The following PITPNA variants were observed in gnomAD, a reference collection of about 807,000 sequenced individuals.
The protein encoded by PITPNA is phosphatidylinositol transfer protein alpha isoform.
Under a neutral mutation model 50.3 loss-of-function variants are expected in PITPNA, and 13 were observed. The ratio of observed to expected loss-of-function variants is 0.26; its 90% CI spans 0.17 to 0.41. The LOEUF (loss-of-function observed/expected upper bound fraction) is 0.41. Ranked by LOEUF, PITPNA falls within the 10% of genes least tolerant of loss-of-function variation. The pLI, the probability that PITPNA is intolerant of heterozygous loss-of-function variation, is 1.00. For missense variants in PITPNA, 207 were observed against 333.4 expected, an observed-to-expected ratio of 0.62 and a Z score of 2.95; for synonymous variants, 120 against 119.6, an observed-to-expected ratio of 1.00 and a Z score of -0.02.
At chr17:1,537,343 G>A (rs1036455792) in intron 7 of PITPNA, among the ~76,000 whole-genome samples, 3 of 152,050 alleles carry the variant, frequency 2.0e-5, no homozygotes, top group African/African-American at 4.8e-5. Context: ...GATTACAGGT[G>A]TGAGCCACCG....
chr17:1,530,878 C>G (rs2075578133), intron 10 of PITPNA, among the ~76,000 whole-genome samples: 1 of 152,186 alleles, frequency 6.6e-6, no homozygotes, highest in Non-Finnish European at 1.5e-5. Context: ...GGAGAAGGAG[C>G]TGCAGGTTCT....
intron 9 of PITPNA, among the ~76,000 whole-genome samples, chr17:1,534,806 C>T (rs1321925713): frequency 3.3e-5 from 5 of 152,220 alleles, no homozygotes; most frequent in Non-Finnish European, 5.9e-5. Context: ...CAGTTTCCTT[C>T]CCTGTCACAT....
intron 11 of PITPNA, among the ~76,000 whole-genome samples, chr17:1,521,216 C>T (rs2075509538): frequency 6.6e-6 from 1 of 152,186 alleles, no homozygotes; most frequent in Non-Finnish European, 1.5e-5. Context: ...CAGGTAATGG[C>T]AGCTTTTGGG....
At chr17:1,524,181 A>C (rs181649501) in intron 10 of PITPNA, among the ~76,000 whole-genome samples, 1 of 151,076 alleles carries the variant, frequency 6.6e-6, no homozygotes, top group Non-Finnish European at 1.5e-5. Context: ...AGTAGCTGAG[A>C]CTATAGGTGC....
At chr17:1,548,784 A>G (rs773912104) in intron 3 of PITPNA, among the ~76,000 whole-genome samples, 5 of 152,340 alleles carry the variant, frequency 3.3e-5, no homozygotes, top group Non-Finnish European at 4.4e-5. Flanking sequence ...TAACTAGCCG[A>G]CTAACTTGGG....
chr17:1,539,805 CG>C lies in PITPNA; in HGVS notation c.373-854del, dbSNP rs1446423038. Among the ~76,000 whole-genome samples the C allele has an allele frequency of 9.2e-5, 14 of 152,250 alleles. No homozygotes were observed. The East Asian group carries it at 1.3e-3, about 15-fold the overall frequency. On this transcript the variant is annotated intron_variant, in intron 6 of 11. Coordinates refer to ENST00000313486, the MANE Select transcript of PITPNA (RefSeq NM_006224.4). ...AGGCTGGAGTGCAATGGCGCGATCT[CG>C]GCTCACTGCAAACTCTGCCTCCCGG...
At chr17:1,559,253 C>G (rs2075755920) in intron 1 of PITPNA, among the ~76,000 whole-genome samples, 1 of 152,192 alleles carries the variant, frequency 6.6e-6, no homozygotes, top group South Asian at 2.1e-4. Context: ...CCTCCAGGAG[C>G]TGTCCAAAGG....
At position 1,548,283 on chromosome 17, in the gene PITPNA, C is replaced by T. The variant is rs751005293; in HGVS notation, c.289+13G>A. The T allele has an allele frequency of 1.5e-5, 24 of 1,588,188 alleles. 1 individual carries two copies. In the South Asian group the frequency reaches 2.5e-4, roughly 16 times the overall value. The stretch of plus-strand genomic sequence containing the variant: ...CGCCCCTGCCTGGCCGACGTGGCCC[C>T]GGCTGCACTCACCGGTTCTGCAGTA... On this transcript the variant is annotated intron_variant, in intron 4 of 11. Transcript: ENST00000313486.
intron 10 of PITPNA, among the ~76,000 whole-genome samples, chr17:1,524,282 G>A (rs1225928917): frequency 7.0e-6 from 1 of 142,942 alleles, no homozygotes; most frequent in Non-Finnish European, 1.5e-5. Flanking sequence ...CTGACCTCAT[G>A]ATCCGCCCGC....
rs928550272 is a variant in PITPNA, at chr17:1,535,333, G to C, written c.535-41C>G. ...ACCCATGGGTACGCAAGTAACAACGGGCAGACCTCAGGCCGTCCCCAGCTC... is the reference window on the plus strand; with the variant it reads ...ACCCATGGGTACGCAAGTAACAACGCGCAGACCTCAGGCCGTCCCCAGCTC... On this transcript the variant is annotated intron_variant, in intron 8 of 11. Coordinates refer to ENST00000313486, the MANE Select transcript of PITPNA (RefSeq NM_006224.4). The C allele has an allele frequency of 1.3e-5, 20 of 1,542,878 alleles. No homozygotes were observed. The East Asian group carries it at 4.3e-4, about 33-fold the overall frequency.
At chr17:1,520,948 G>A (rs1598401144) in intron 11 of PITPNA, among the ~76,000 whole-genome samples, 2 of 152,280 alleles carry the variant, frequency 1.3e-5, no homozygotes, top group East Asian at 3.9e-4. Context: ...GACTCGGGTG[G>A]TGTACAGGGC....
Position 1,535,187 on chromosome 17 carries a change from G to A in PITPNA, c.640C>T (p.His214Tyr). The change falls in exon 9 of 12, where the codon CAT becomes TAT. Residue 214 changes from histidine to tyrosine, a missense_variant. Physicochemically the swap from His to Tyr is moderately conservative, Grantham distance 83. Transcript: ENST00000313486. ...GCCTCAGCCGAGCTACTTACCTTAT[G>A]GATGAAGTTCTCCACTTTGTTCTGC... ...GLQNKVENFI[H>Y]KQERRLFTNF... The A allele has an allele frequency of 6.2e-7, 1 of 1,604,996 alleles. No individual in the cohort carries two copies. The highest frequency in any genetic ancestry group is 8.5e-7 in the Non-Finnish European group (1 of 1,171,668).
intron 4 of PITPNA, among the ~76,000 whole-genome samples, chr17:1,546,735 C>T (rs1376584470): frequency 6.6e-6 from 1 of 152,114 alleles, no homozygotes; most frequent in Non-Finnish European, 1.5e-5. Context: ...CAGGTCTATT[C>T]CTAGATGGCC....
intron 10 of PITPNA, among the ~76,000 whole-genome samples, chr17:1,529,715 C>T (rs1399664248): frequency 2.1e-5 from 3 of 145,228 alleles, no homozygotes; most frequent in South Asian, 2.2e-4. Context: ...ATTAGCCAGG[C>T]GTGGTGGCGG....
chr17:1,548,527 T>C, intron 3 of PITPNA, 140 bp from the exon 4 acceptor site: 1 of 603,832 alleles, frequency 1.7e-6, no homozygotes, highest in Non-Finnish European at 2.8e-6. Context: ...GAGTGAGAAG[T>C]TACGTATGAG....
chr17:1,533,792 G>A (rs1053175887), intron 10 of PITPNA, among the ~76,000 whole-genome samples: 7 of 152,122 alleles, frequency 4.6e-5, no homozygotes, highest in East Asian at 3.9e-4. Context: ...CTGCAGCCCC[G>A]CACGCTCTTT....
intron 7 of PITPNA, 199 bp from the exon 8 acceptor site, chr17:1,535,717 A>G: frequency 3.4e-6 from 2 of 591,012 alleles, no homozygotes; most frequent in Non-Finnish European, 6.1e-6. Context: ...ATTTTCTCCG[A>G]TAGGGTTTGT....
Position 1,562,031 on chromosome 17 carries a change from G to T in PITPNA, c.20+510C>A, listed in dbSNP as rs1457732842. On this transcript the variant is annotated intron_variant, in intron 1 of 11. Coordinates refer to ENST00000313486, the MANE Select transcript of PITPNA (RefSeq NM_006224.4). The surrounding 1 kb of genome is among the most constrained non-coding windows in gnomAD (Gnocchi z 6.4). ...CCGGCTGAGCCCGCGCCCTCGGCCC[G>T]CGCAGAGCGACCCCACAGCACTCCC... 1.3e-5 allele frequency among the ~76,000 whole-genome samples: 2 copies of T among 151,996 alleles called. No homozygotes were observed. The highest frequency in any genetic ancestry group is 4.8e-5 in the African/African-American group (2 of 41,394).
intron 10 of PITPNA, among the ~76,000 whole-genome samples, chr17:1,530,059 G>A (rs1451940983): frequency 6.6e-6 from 1 of 151,954 alleles, no homozygotes; most frequent in Non-Finnish European, 1.5e-5. Context: ...ATGAAAACTG[G>A]GTGATGTAAT....
Sources: allele counts gnomAD v4.1 joint callset (sites outside exome capture counted in the v4.1 genomes callset), GRCh38; gene constraint gnomAD v4.1.1; non-coding constraint Gnocchi (gnomAD v3.1); transcripts MANE v1.5; gene names NCBI Gene and HGNC (gene_info 2026-07-23, HGNC 2026-07-21).